The following CHRM2 variants were observed in gnomAD, a reference collection of about 807,000 sequenced individuals.
CHRM2 encodes cholinergic receptor muscarinic 2, also known as muscarinic acetylcholine receptor M2.
Under a neutral mutation model 25.0 loss-of-function variants are expected in CHRM2, and 8 were observed. The ratio of observed to expected loss-of-function variants is 0.32; its 90% CI spans 0.19 to 0.58. CHRM2 has a LOEUF of 0.58. Among genes scored for constraint, CHRM2 ranks in the 20% least tolerant of loss-of-function variants. The pLI is 0.88. For synonymous variants in CHRM2, 202 were observed against 205.7 expected (o/e 0.98, Z 0.15); for missense variants, 440 against 567.1 (o/e 0.78, Z 2.28).
intron 2 of CHRM2, among the ~76,000 whole-genome samples, chr7:136,958,293 C>T (rs903003154): frequency 2.0e-5 from 3 of 152,098 alleles, no homozygotes; most frequent in African/African-American, 4.8e-5. Context: ...ATAGCAGCAG[C>T]GAGGGCAGAG....
At chr7:136,881,068 T>C (rs569766276) in intron 2 of CHRM2, among the ~76,000 whole-genome samples, 21 of 150,446 alleles carry the variant, frequency 1.4e-4, no homozygotes, top group African/African-American at 5.1e-4. Flanking sequence ...TGCCACTGTA[T>C]GCATGTAGCG....
At chr7:137,003,362 T>G (rs565758860) in intron 3 of CHRM2, among the ~76,000 whole-genome samples, 1 of 152,180 alleles carries the variant, frequency 6.6e-6, no homozygotes, top group South Asian at 2.1e-4. Flanking sequence ...TATGAGAAAT[T>G]TTCCTTAACC....
intron 2 of CHRM2, among the ~76,000 whole-genome samples, chr7:136,972,138 T>C (rs995538270): frequency 1.3e-5 from 2 of 152,168 alleles, no homozygotes; most frequent in Non-Finnish European, 2.9e-5. Flanking sequence ...CTTTTTTTTT[T>C]TCGTGGATTT....
chr7:137,018,054 T>C lies in CHRM2; in HGVS notation c.*1788T>C, dbSNP rs1378747421. The C allele has an allele frequency of 2.0e-5, 3 of 151,944 alleles. No homozygotes were observed. The highest frequency in any genetic ancestry group is 7.2e-5 in the African/African-American group (3 of 41,436). The allele number at this position is 151,944 out of a possible 1,614,324, so 9.4% of individuals were successfully genotyped here. A position where few individuals can be genotyped will look rare whatever the true frequency, so the allele number is the denominator to read the frequency against. On this transcript the variant is annotated 3_prime_UTR_variant, in exon 4 of 4. Transcript: ENST00000680005. ...TTTCATATTTTGGATTTTAGATTTA[T>C]GATATCTTGTTCAGTAATAATAATG...
At chr7:136,921,863 C>A (rs1399902521) in intron 2 of CHRM2, among the ~76,000 whole-genome samples, 1 of 150,300 alleles carries the variant, frequency 6.7e-6, no homozygotes, top group Non-Finnish European at 1.5e-5. Flanking sequence ...CTCACTGCAA[C>A]CTTCCCCTCC....
At chr7:137,010,843 A>G (rs530674556) in intron 3 of CHRM2, among the ~76,000 whole-genome samples, 2 of 152,104 alleles carry the variant, frequency 1.3e-5, no homozygotes, top group South Asian at 4.1e-4. Context: ...AGTGTAGTTC[A>G]TCACTGTCCT....
intron 2 of CHRM2, among the ~76,000 whole-genome samples, chr7:136,978,622 CCCCGGTATGGATGGTCCCCT>C (rs1045405247): frequency 1.3e-5 from 2 of 152,150 alleles, no homozygotes; most frequent in African/African-American, 4.8e-5. Context: ...CCCCGACAGG[CCCCGGTATGGATGGTCCCCT>C]CCCTGTGTCC....
rs534774534 is a variant in CHRM2 at position 136,970,174 on chromosome 7, A to G, written c.-124-22013A>G. ...CATAAAAATTTGGGAGGTGGATGTA[A>G]ACATTCAGTCCATAAGAAAATGTGC... On this transcript the variant is annotated intron_variant, in intron 2 of 3. Coordinates refer to ENST00000680005, the MANE Select transcript of CHRM2 (RefSeq NM_001006630.2). Among the ~76,000 whole-genome samples the G allele has an allele frequency of 7.2e-5, 11 of 152,258 alleles. No individual in the cohort carries two copies. In the East Asian group the frequency reaches 2.1e-3, roughly 29 times the overall value.
rs200169935 is a variant in CHRM2 at position 137,015,842 on chromosome 7, G to A, written c.977G>A (p.Arg326Lys). The change falls in exon 4 of 4, where the codon AGA becomes AAA. Residue 326 changes from arginine to lysine, a missense_variant. By Grantham distance (26) the Arg-to-Lys change is conservative. Around this residue, in one of 5 missense-constraint regions of CHRM2, gnomAD observed 261 missense variants for 261.8 expected, o/e 1.00. Coordinates refer to ENST00000680005, the MANE Select transcript of CHRM2 (RefSeq NM_001006630.2). This position sits in a 1 kb window ranked among gnomAD's most constrained non-coding sequence, Gnocchi z 5.1. ...GAGAACTCTAAGCAAACATGCATCA[G>A]AATTGGCACCAAGACCCCAAAAAGT... ...KDENSKQTCI[R>K]IGTKTPKSDS... is the part of the protein sequence containing the mutation. 1.9e-6 allele frequency: 3 copies of A among 1,613,004 alleles called. No homozygotes were observed. The highest frequency in any genetic ancestry group is 1.7e-5 in the Admixed American group (1 of 59,914).
chr7:136,984,873 C>A (rs1802741351), intron 2 of CHRM2, among the ~76,000 whole-genome samples: 1 of 152,042 alleles, frequency 6.6e-6, no homozygotes. Context: ...AGCTGCAGAC[C>A]AGAGCTGTTC....
chr7:137,007,367 C>T (rs2131094603), intron 3 of CHRM2, among the ~76,000 whole-genome samples: 1 of 152,212 alleles, frequency 6.6e-6, no homozygotes, highest in Admixed American at 6.5e-5. Flanking sequence ...CCCTTGAGGG[C>T]ATGTGTGGAT....
chr7:136,938,428 T>G (rs1799547474), intron 2 of CHRM2: 17 of 1,399,784 alleles, frequency 1.2e-5, no homozygotes, highest in Non-Finnish European at 1.7e-5. Flanking sequence ...GGAGGCAAAC[T>G]TCTTGTTGAG....
chr7:136,877,047 A>G (rs1037500978), intron 2 of CHRM2, among the ~76,000 whole-genome samples: 7 of 152,062 alleles, frequency 4.6e-5, no homozygotes, highest in Admixed American at 3.3e-4. Context: ...TGAGGTGGGA[A>G]ATCACAGGAC....
chr7:136,940,333 C>T (rs1799693843), intron 2 of CHRM2, among the ~76,000 whole-genome samples: 1 of 152,182 alleles, frequency 6.6e-6, no homozygotes, highest in Admixed American at 6.5e-5. Context: ...TTGAACAGAT[C>T]AGAGAGGAAG....
At chr7:136,944,031 T>C (rs1171598592) in intron 2 of CHRM2, among the ~76,000 whole-genome samples, 1 of 152,184 alleles carries the variant, frequency 6.6e-6, no homozygotes, top group Non-Finnish European at 1.5e-5. Context: ...TGTGTACTTA[T>C]TGACCACAGC....
intron 2 of CHRM2, among the ~76,000 whole-genome samples, chr7:136,925,909 T>C (rs1237195672): frequency 6.6e-6 from 1 of 152,190 alleles, no homozygotes; most frequent in Non-Finnish European, 1.5e-5. Context: ...TAGATTCTGG[T>C]TTCAGGCTTT....
chr7:136,930,896 CTCAAAAAAAA>C (rs1360901055), intron 2 of CHRM2, among the ~76,000 whole-genome samples: 2 of 54,034 alleles, frequency 3.7e-5, no homozygotes, highest in Non-Finnish European at 7.2e-5. Context: ...GACTCATTCT[CTCAAAAAAAA>C]AAAAAAAAAA....
At chr7:136,979,659 C>T (rs972797567) in intron 2 of CHRM2, among the ~76,000 whole-genome samples, 2 of 152,168 alleles carry the variant, frequency 1.3e-5, no homozygotes, top group Non-Finnish European at 2.9e-5. Flanking sequence ...AAGTTTTCTG[C>T]ATATGGCTAG....
At chr7:136,891,042 T>C (rs1796671253) in intron 2 of CHRM2, among the ~76,000 whole-genome samples, 1 of 152,242 alleles carries the variant, frequency 6.6e-6, no homozygotes, top group Non-Finnish European at 1.5e-5. Flanking sequence ...AATACACTTT[T>C]AATCTTAACA....
Sources: allele counts gnomAD v4.1 joint callset (sites outside exome capture counted in the v4.1 genomes callset), GRCh38; gene constraint gnomAD v4.1.1; regional missense constraint gnomAD v4.1.1; non-coding constraint Gnocchi (gnomAD v3.1); transcripts MANE v1.5; gene names NCBI Gene and HGNC (gene_info 2026-07-23, HGNC 2026-07-21).